XRRA1: variants seen among roughly 807,000 people sequenced by gnomAD.
XRRA1 encodes X-ray radiation resistance associated 1.
A neutral mutation model predicts 80.2 loss-of-function variants in XRRA1; 69 were observed. That is an observed-to-expected ratio of 0.86 (90% confidence interval 0.71 to 1.05). The LOEUF (loss-of-function observed/expected upper bound fraction) is 1.05, where lower values mean the gene tolerates loss of function less well. Among genes scored for constraint, XRRA1 ranks in the 50% least tolerant of loss-of-function variants. XRRA1 has a pLI of 0.00. For missense variants in XRRA1, 967 were observed against 976.4 expected, an observed-to-expected ratio of 0.99 and a Z score of 0.13; for synonymous variants, 348 against 389.9, an observed-to-expected ratio of 0.89 and a Z score of 1.27.
At chr11:74,920,006 C>CAA (rs55989441) in intron 8 of XRRA1, 2,808 of 128,182 alleles carry the variant, frequency 0.022, 109 homozygotes, top group African/African-American at 0.077. Context: ...TATAAAACTG[C>CAA]AAAAAAAAAA....
chr11:74,859,433 T>C, intron 11 of XRRA1, 150 bp from the exon 12 acceptor site: 1 of 851,766 alleles, frequency 1.2e-6, no homozygotes, highest in Non-Finnish European at 1.7e-6. Flanking sequence ...TAAGGGTAGA[T>C]GTCGCCATCA....
chr11:74,844,060 G>C, intron 17 of XRRA1, 101 bp from the exon 18 acceptor site: 1 of 1,457,592 alleles, frequency 6.9e-7, no homozygotes, highest in Non-Finnish European at 9.6e-7. Context: ...GGGCATCTGG[G>C]GGTGCTGGGA....
At chr11:74,907,030 T>C in intron 9 of XRRA1, 115 bp downstream of exon 9, 2 of 1,404,138 alleles carry the variant, frequency 1.4e-6, no homozygotes, top group Non-Finnish European at 1.9e-6. Context: ...ACAGTAGAGA[T>C]AAATTGTGGA....
chr11:74,888,653 G>C (rs752892142), intron 10 of XRRA1, among the ~76,000 whole-genome samples: 1 of 152,166 alleles, frequency 6.6e-6, no homozygotes, highest in Non-Finnish European at 1.5e-5. Context: ...CCATGGCAAA[G>C]AAGTTAAAAA....
At chr11:74,902,947 C>A (rs1371506566) in intron 10 of XRRA1, among the ~76,000 whole-genome samples, 1 of 152,114 alleles carries the variant, frequency 6.6e-6, no homozygotes, top group Non-Finnish European at 1.5e-5. Flanking sequence ...ACCAAAATAT[C>A]TCATGTGCCC....
chr11:74,888,411 C>T (rs2049661020), intron 10 of XRRA1, among the ~76,000 whole-genome samples: 1 of 152,206 alleles, frequency 6.6e-6, no homozygotes, highest in Non-Finnish European at 1.5e-5. Context: ...ATCAAAACCC[C>T]ATCTGTACGT....
chr11:74,892,225 G>T (rs1345772872), intron 10 of XRRA1, among the ~76,000 whole-genome samples: 3 of 152,058 alleles, frequency 2.0e-5, no homozygotes, highest in Non-Finnish European at 2.9e-5. Flanking sequence ...CAATGGAACA[G>T]AACAGAGCCC....
intron 1 of XRRA1, among the ~76,000 whole-genome samples, chr11:74,948,076 G>A (rs1003735868): frequency 6.6e-6 from 1 of 152,078 alleles, no homozygotes; most frequent in African/African-American, 2.4e-5. Flanking sequence ...TTTTATTCAG[G>A]GATATATCCC....
At chr11:74,934,449 T>C (rs907537937) in intron 4 of XRRA1, among the ~76,000 whole-genome samples, 5 of 152,200 alleles carry the variant, frequency 3.3e-5, no homozygotes, top group African/African-American at 1.2e-4. Flanking sequence ...CATAACCTCA[T>C]AGAGCTTACA....
Position 74,863,960 on chromosome 11 carries a change from C to T in XRRA1, c.1004-939G>A, listed in dbSNP as rs376580062. ...GAAAGATGGGCACGCTGTCTGAACG[C>T]GCATCCTGCTCTCCCCACAATCACA... On this transcript the variant is annotated intron_variant, in intron 10 of 18. Coordinates refer to ENST00000684022, the MANE Select transcript of XRRA1 (RefSeq NM_001378157.1). 1.4e-3 allele frequency: 207 copies of T among 152,204 alleles called. 1 individual carries two copies. The highest frequency in any genetic ancestry group is 4.5e-3 in the African/African-American group (185 of 41,526). The allele number at this position is 152,204 out of a possible 1,614,324, so 9.4% of individuals were successfully genotyped here.
chr11:74,856,618 A>G (rs2041167024), intron 12 of XRRA1, among the ~76,000 whole-genome samples: 1 of 152,260 alleles, frequency 6.6e-6, no homozygotes, highest in Non-Finnish European at 1.5e-5. Context: ...GTGAATTTAT[A>G]AAGACCAAGC....
In XRRA1 at chr11:74,906,437, C is replaced by T; in HGVS notation, c.805G>A (p.Asp269Asn). 1 of 1,613,910 alleles carries T rather than the reference C, an allele frequency of 6.2e-7. No homozygotes were observed. The highest frequency in any genetic ancestry group is 8.5e-7 in the Non-Finnish European group (1 of 1,179,876). The part of the protein sequence containing the change: ...GLRRLKKLSL[D>N]ENRIIRIPYL... Reference sequence around the variant, plus strand: ...GGGATCCTGATAATCCTGTTTTCATCCAAGCTTAACTTCTTCAGTCTTCAA... The same window carrying T: ...GGGATCCTGATAATCCTGTTTTCATTCAAGCTTAACTTCTTCAGTCTTCAA... The change falls in exon 10 of 19, where the codon GAT (aspartate) becomes AAT (asparagine). Residue 269 changes from aspartate (D) to asparagine (N), a missense_variant. Coordinates refer to ENST00000684022, the MANE Select transcript of XRRA1 (RefSeq NM_001378157.1).
chr11:74,855,629 C>A (rs932384896), intron 12 of XRRA1, among the ~76,000 whole-genome samples: 1 of 152,264 alleles, frequency 6.6e-6, no homozygotes, highest in Middle Eastern at 3.4e-3. Context: ...GTGTAACAAT[C>A]TGTCACATTT....
chr11:74,851,072 G>A lies in XRRA1; in HGVS notation c.1380+16C>T. 1 of 1,596,368 alleles carries A rather than the reference G, an allele frequency of 6.3e-7. No individual in the cohort carries two copies. The highest frequency in any genetic ancestry group is 1.1e-5 in the South Asian group (1 of 89,494). On this transcript the variant is annotated intron_variant, in intron 14 of 18. Coordinates refer to ENST00000684022, the MANE Select transcript of XRRA1 (RefSeq NM_001378157.1). The stretch of plus-strand genomic sequence containing the variant: ...CACTCTTCCTGGGGGTGGGAGTCCT[G>A]CCTTGGAAGCCCTACCTTCCATGAT...
chr11:74,898,277 A>C (rs2052838821), intron 10 of XRRA1, among the ~76,000 whole-genome samples: 1 of 152,202 alleles, frequency 6.6e-6, no homozygotes, highest in Admixed American at 6.5e-5. Flanking sequence ...GATACACAAA[A>C]AATAAAATGC....
intron 10 of XRRA1, among the ~76,000 whole-genome samples, chr11:74,891,064 T>G (rs910377954): frequency 8.6e-5 from 13 of 152,042 alleles, no homozygotes; most frequent in Non-Finnish European, 2.9e-5. Flanking sequence ...GAGGCCAGCA[T>G]CATCCTGATA....
At chr11:74,848,059 C>T in intron 15 of XRRA1, 56 bp downstream of exon 15, 1 of 1,505,342 alleles carries the variant, frequency 6.6e-7, no homozygotes, top group Admixed American at 1.9e-5. Flanking sequence ...CTAAGGGCTG[C>T]ACAGGAACCT....
chr11:74,851,872 T>C lies in XRRA1; in HGVS notation c.1264+117A>G, dbSNP rs7125269. 4,985 of 853,022 alleles carry C rather than the reference T, an allele frequency of 5.8e-3. 160 individuals are homozygous for C. In the African/African-American group the frequency reaches 0.073, roughly 12 times the overall value. 52.8% of individuals were successfully genotyped at this position (853,022 alleles called of 1,614,324 possible). A position where few individuals can be genotyped will look rare whatever the true frequency, so the allele number is the denominator to read the frequency against. ...TCCATTCCTCAATGTACCATGAACC[T>C]TGTCCACCCCGACACAGAGTAGATC... is the stretch of plus-strand genomic sequence containing the variant. On this transcript the variant is annotated intron_variant, in intron 13 of 18. Coordinates refer to ENST00000684022, the MANE Select transcript of XRRA1 (RefSeq NM_001378157.1).
rs541282279 is a variant in XRRA1 at position 74,908,198 on chromosome 11, G to A, written c.657-925C>T. Among the ~76,000 whole-genome samples the A allele has an allele frequency of 1.6e-4, 24 of 152,276 alleles. No individual in the cohort carries two copies. In the East Asian group the frequency reaches 4.2e-3, roughly 27 times the overall value. On this transcript the variant is annotated intron_variant, in intron 8 of 18. Coordinates refer to ENST00000684022, the MANE Select transcript of XRRA1 (RefSeq NM_001378157.1). ...ACCTAATGCATTTCTGGCATTGTGC[G>A]ATATGTTTTGTATGTGTTATCCAAG...
Sources: allele counts gnomAD v4.1 joint callset (sites outside exome capture counted in the v4.1 genomes callset), GRCh38; gene constraint gnomAD v4.1.1; transcripts MANE v1.5; gene names NCBI Gene and HGNC (gene_info 2026-07-23, HGNC 2026-07-21).